The following SLC24A4 variants were observed in gnomAD, a reference collection of about 807,000 sequenced individuals.
SLC24A4 encodes the protein sodium/potassium/calcium exchanger 4.
SLC24A4 carries 53 observed loss-of-function variants against 79.0 expected under a neutral mutation model. The ratio of observed to expected loss-of-function variants is 0.67; its 90% confidence interval spans 0.54 to 0.84. The LOEUF (loss-of-function observed/expected upper bound fraction) is 0.84. Ranked by LOEUF, SLC24A4 falls within the 40% of genes least tolerant of loss-of-function variation. SLC24A4 has a pLI of 0.00. For missense variants in SLC24A4, 731 were observed against 822.0 expected (o/e 0.89, Z 1.35); for synonymous variants, 323 against 323.8 (o/e 1.00, Z 0.03).
At position 92,501,195 on chromosome 14, in the gene SLC24A4, A is replaced by G. The variant is rs1269909996; in HGVS notation, c.*7567A>G. 6.6e-6 allele frequency: 1 copy of G among 152,210 alleles called. No homozygotes were observed. Among genetic ancestry groups the G allele is most frequent in the East Asian group, 1.9e-4 (1 of 5,208 alleles). 9.4% of individuals were successfully genotyped at this position (152,210 alleles called of 1,614,324 possible). Reference sequence around the variant, plus strand: ...GGGCAAAGCAGGATCATCGAGTTGAAAAGTTGTAAATAATGAGGATATTTA... The same window carrying G: ...GGGCAAAGCAGGATCATCGAGTTGAGAAGTTGTAAATAATGAGGATATTTA... On this transcript the variant is annotated 3_prime_UTR_variant, in exon 17 of 17. Transcript: ENST00000532405.
At chr14:92,483,890 C>T in intron 13 of SLC24A4, 1 of 1,286,892 alleles carries the variant, frequency 7.8e-7, no homozygotes, top group Non-Finnish European at 1.0e-6. Flanking sequence ...ACATGAGAGA[C>T]AGCAGGGCCA....
rs187402377 is a variant in SLC24A4 at position 92,418,763 on chromosome 14, G to A, written c.242-15149G>A. 4.9e-3 allele frequency among the ~76,000 whole-genome samples: 741 copies of A among 152,238 alleles called. 7 individuals carry two copies. Among genetic ancestry groups the A allele is most frequent in the African/African-American group, 0.017 (706 of 41,528 alleles). On this transcript the variant is annotated intron_variant, in intron 2 of 16. Coordinates refer to ENST00000532405, the MANE Select transcript of SLC24A4 (RefSeq NM_153646.4). ...ATCCCCCAGGCTGGAGTGCAGTGGC[G>A]TGATCTCGGCTCACTGCAACCTCTG... is the stretch of plus-strand genomic sequence containing the variant.
Position 92,381,742 on chromosome 14 carries a change from T to C in SLC24A4, c.242-52170T>C, listed in dbSNP as rs114868973. On this transcript the variant is annotated intron_variant, in intron 2 of 16. Transcript: ENST00000532405. ...GGTTATTCTCAGCCATGCCTGCACATTGGAATCACCTGCAGAGCTTTAAAA... is the reference window on the plus strand; with the variant it reads ...GGTTATTCTCAGCCATGCCTGCACACTGGAATCACCTGCAGAGCTTTAAAA... Among the ~76,000 whole-genome samples, 493 of 146,868 alleles carry C rather than the reference T, an allele frequency of 3.4e-3. 3 individuals are homozygous for C. Among genetic ancestry groups the C allele is most frequent in the African/African-American group, 0.012 (476 of 38,954 alleles).
At chr14:92,444,016 C>T (rs1016067937) in intron 7 of SLC24A4, among the ~76,000 whole-genome samples, 1 of 151,728 alleles carries the variant, frequency 6.6e-6, no homozygotes, top group Non-Finnish European at 1.5e-5. Context: ...CCGTGTATGC[C>T]GTATTCTGTT....
rs1020309169 is a variant in SLC24A4, at chr14:92,497,203, T to G, written c.*3575T>G. 6.6e-6 allele frequency: 1 copy of G among 152,300 alleles called. No individual in the cohort carries two copies. Among genetic ancestry groups the G allele is most frequent in the Non-Finnish European group, 1.5e-5 (1 of 68,122 alleles). The allele number at this position is 152,300 out of a possible 1,614,324, so 9.4% of individuals were successfully genotyped here. On this transcript the variant is annotated 3_prime_UTR_variant, in exon 17 of 17. Coordinates refer to ENST00000532405, the MANE Select transcript of SLC24A4 (RefSeq NM_153646.4). ...TGCCTTAACAGACCTAAGCAGCTGATAATGCACCAAGCTTCCCTGACCAGG... is the reference window on the plus strand; with the variant it reads ...TGCCTTAACAGACCTAAGCAGCTGAGAATGCACCAAGCTTCCCTGACCAGG...
rs2139967055 is a variant in SLC24A4 at position 92,499,475 on chromosome 14, G to A, written c.*5847G>A. ...AGTTATAACCCCAGTGACAAATGCT[G>A]GCTTAAGCCACACCTGTTCCCACTG... On this transcript the variant is annotated 3_prime_UTR_variant, in exon 17 of 17. Coordinates refer to ENST00000532405, the MANE Select transcript of SLC24A4 (RefSeq NM_153646.4). 1 of 152,188 alleles carries A rather than the reference G, an allele frequency of 6.6e-6. No individual in the cohort carries two copies. The highest frequency in any genetic ancestry group is 2.1e-4 in the South Asian group (1 of 4,820). 9.4% of individuals were successfully genotyped at this position (152,188 alleles called of 1,614,324 possible).
At chr14:92,387,313 A>C (rs902613613) in intron 2 of SLC24A4, among the ~76,000 whole-genome samples, 2 of 151,832 alleles carry the variant, frequency 1.3e-5, no homozygotes, top group African/African-American at 4.8e-5. Context: ...AGTAGCTGGG[A>C]TTACAGGCAC....
Position 92,412,282 on chromosome 14 carries a change from A to G in SLC24A4, c.242-21630A>G, listed in dbSNP as rs913268180. 2.0e-5 allele frequency among the ~76,000 whole-genome samples: 3 copies of G among 152,182 alleles called. No individual in the cohort carries two copies. In the South Asian group the frequency reaches 6.2e-4, roughly 32 times the overall value. On this transcript the variant is annotated intron_variant, in intron 2 of 16. Transcript: ENST00000532405. ...AAACGCATCTATAGTTGGTGGCCCC[A>G]AGAGCCTGCTGTCTCTCAGCTGGAA...
At chr14:92,457,629 C>G (rs1437060920) in intron 12 of SLC24A4, 1 of 152,570 alleles carries the variant, frequency 6.6e-6, no homozygotes, top group Non-Finnish European at 1.5e-5. Context: ...GATCCCAGGA[C>G]CCACCCCGCC....
intron 2 of SLC24A4, among the ~76,000 whole-genome samples, chr14:92,329,887 A>G (rs919008236): frequency 1.3e-5 from 2 of 152,170 alleles, no homozygotes; most frequent in Non-Finnish European, 2.9e-5. Flanking sequence ...CTTGAGGGCT[A>G]CCTCTTTTGT....
chr14:92,340,295 G>T (rs1173709656), intron 2 of SLC24A4, among the ~76,000 whole-genome samples: 2 of 152,234 alleles, frequency 1.3e-5, no homozygotes, highest in Non-Finnish European at 2.9e-5. Flanking sequence ...TAGAGAATGA[G>T]GTAAACTCGT....
Position 92,501,070 on chromosome 14 carries a change from G to A in SLC24A4, c.*7442G>A, listed in dbSNP as rs11160072. On this transcript the variant is annotated 3_prime_UTR_variant, in exon 17 of 17. Transcript: ENST00000532405. The stretch of plus-strand genomic sequence containing the variant: ...GAACCTCCTTAAAAACAACTAAAAC[G>A]AAGAACTTCTGGGGCTGTTCACACA... The A allele has an allele frequency of 6.6e-6, 1 of 151,984 alleles. No homozygotes were observed. The highest frequency in any genetic ancestry group is 2.4e-5 in the African/African-American group (1 of 41,320). The allele number at this position is 151,984 out of a possible 1,614,324, so 9.4% of individuals were successfully genotyped here.
At chr14:92,485,110 G>A (rs1895280465) in intron 13 of SLC24A4, among the ~76,000 whole-genome samples, 2 of 152,278 alleles carry the variant, frequency 1.3e-5, no homozygotes, top group East Asian at 1.9e-4. Flanking sequence ...GAAGATTAAA[G>A]TCCCCACAGC....
At chr14:92,414,973 C>A (rs1233824245) in intron 2 of SLC24A4, among the ~76,000 whole-genome samples, 1 of 152,150 alleles carries the variant, frequency 6.6e-6, no homozygotes, top group African/African-American at 2.4e-5. Context: ...GCCCTTGCCA[C>A]GATGCGTGGT....
intron 9 of SLC24A4, among the ~76,000 whole-genome samples, chr14:92,447,877 C>T (rs761577051): frequency 6.6e-6 from 1 of 152,228 alleles, no homozygotes. Flanking sequence ...AACTGCAGCA[C>T]CACTGATAGT....
In SLC24A4 at chr14:92,479,812, G is replaced by A. The variant is rs181039014; in HGVS notation, c.1256-2868G>A. 2.2e-4 allele frequency among the ~76,000 whole-genome samples: 34 copies of A among 152,304 alleles called. No individual in the cohort carries two copies. The East Asian group carries it at 6.2e-3, about 28-fold the overall frequency. On this transcript the variant is annotated intron_variant, in intron 12 of 16. Transcript: ENST00000532405. ...ATTCTTCTTTAAACATTTGGTAGAAGTCACCATGAAGCCATCTGGTCCTGG... is the reference window on the plus strand; with the variant it reads ...ATTCTTCTTTAAACATTTGGTAGAAATCACCATGAAGCCATCTGGTCCTGG...
chr14:92,445,474 A>G (rs1460019950), intron 8 of SLC24A4, 132 bp downstream of exon 8: 4 of 1,034,906 alleles, frequency 3.9e-6, no homozygotes, highest in Non-Finnish European at 5.6e-6. Context: ...GAAAGTGAAA[A>G]AAAGATATTC....
chr14:92,426,575 T>G (rs1891576867), intron 2 of SLC24A4, among the ~76,000 whole-genome samples: 1 of 152,220 alleles, frequency 6.6e-6, no homozygotes, highest in African/African-American at 2.4e-5. Context: ...TCTTTTGGAA[T>G]GTACTGAAAG....
intron 2 of SLC24A4, among the ~76,000 whole-genome samples, chr14:92,365,744 C>T (rs796267675): frequency 7.9e-5 from 12 of 152,268 alleles, no homozygotes; most frequent in African/African-American, 2.6e-4. Flanking sequence ...CTGTGTGTGT[C>T]GGCTGCTGTT....
Sources: gnomAD v4.1 joint callset for allele counts (sites outside exome capture counted in the v4.1 genomes callset) on GRCh38, gnomAD v4.1.1 for gene constraint, MANE v1.5 for transcripts, NCBI Gene and HGNC (gene_info 2026-07-23, HGNC 2026-07-21) for gene names.